Variants in AKAP8 observed in about 807,000 individuals in gnomAD.
The protein encoded by AKAP8 is A-kinase anchoring protein 8.
In AKAP8, 24 loss-of-function variants were observed where a neutral mutation model predicts 67.5. That is an observed-to-expected ratio of 0.36 (90% confidence interval 0.26 to 0.50). The LOEUF (loss-of-function observed/expected upper bound fraction) is 0.50, where lower values mean the gene tolerates loss of function less well. AKAP8 is among the 20% of genes least tolerant of loss of function. The probability of loss-of-function intolerance (pLI) is 0.97; values close to 1 mark genes in which losing one functional copy is unlikely to be tolerated. For synonymous variants in AKAP8, 400 were observed against 371.1 expected (o/e 1.08, Z -0.90); for missense variants, 971 against 955.9 (o/e 1.02, Z -0.21).
intron 4 of AKAP8, 33 bp downstream of exon 4, chr19:15,373,753 G>A: frequency 6.3e-7 from 1 of 1,580,444 alleles, no homozygotes; most frequent in South Asian, 1.1e-5. Context: ...GGGATGTGTG[G>A]GGTCCCGGGG....
chr19:15,369,145 T>G lies in AKAP8; in HGVS notation c.1073-823A>C. ...CTCAGAAGCCTCTCAAAAGGGCGTG[T>G]GGGATTTTTGGCAAGAGGTCACTGC... On this transcript the variant is annotated intron_variant, in intron 8 of 13. Coordinates refer to ENST00000269701, the MANE Select transcript of AKAP8 (RefSeq NM_005858.4). This position sits in a 1 kb window ranked among gnomAD's most constrained non-coding sequence, Gnocchi z 4.6. The G allele has an allele frequency of 1.0e-6, 1 of 985,374 alleles. No homozygotes were observed. The highest frequency in any genetic ancestry group is 1.7e-5 in the African/African-American group (1 of 57,320). 61.0% of individuals were successfully genotyped at this position (985,374 alleles called of 1,614,324 possible).
rs761590913 is a variant in AKAP8, at chr19:15,360,893, G to A, written c.1482C>T (p.Leu494=). The change falls in exon 12 of 14, where the codon CTC becomes CTT. Residue 494 remains leucine (L), a synonymous_variant. Transcript: ENST00000269701. ...CCACGGAGTGCAGGTGCCGCTGGAGGAGCTGCGGCTGTGCAGGAATTAGCA... is the reference window on the plus strand; with the variant it reads ...CCACGGAGTGCAGGTGCCGCTGGAGAAGCTGCGGCTGTGCAGGAATTAGCA... ...CDMLIPAQPQ[L]LQRHLHSVDH... The A allele has an allele frequency of 1.2e-6, 2 of 1,613,750 alleles. No individual in the cohort carries two copies. The highest frequency in any genetic ancestry group is 1.3e-5 in the African/African-American group (1 of 75,048).
At position 15,374,055 on chromosome 19, in the gene AKAP8, G is replaced by GT. The variant is rs781706741; in HGVS notation, c.101dup (p.Asn34LysfsTer32). The GT allele has an allele frequency of 1.3e-6, 2 of 1,562,548 alleles. No individual in the cohort carries two copies. Among genetic ancestry groups the GT allele is most frequent in the Non-Finnish European group, 1.7e-6 (2 of 1,157,854 alleles). On this transcript the variant is annotated frameshift_variant, in exon 4 of 14. Transcript: ENST00000269701. LOFTEE classifies it high-confidence loss of function. ...TGTTCTGGGCGCCATAGTAATTGTAGTTTTCATAACCTGTCACAGGGGGAG... is the reference window on the plus strand; with the variant it reads ...TGTTCTGGGCGCCATAGTAATTGTAGTTTTTCATAACCTGTCACAGGGGGAG...
At position 15,377,907 on chromosome 19, in the gene AKAP8, G is replaced by T. The variant is rs974195969; in HGVS notation, c.20-893C>A. ...TATGGCATCTGTCTGGTCCCTCCAG[G>T]AAGGAGAATGGGAACTGTGTTCTCT... On this transcript the variant is annotated intron_variant, in intron 1 of 13. Transcript: ENST00000269701. Among the ~76,000 whole-genome samples, 4 of 152,176 alleles carry T rather than the reference G, an allele frequency of 2.6e-5. No individual in the cohort carries two copies. In the East Asian group the frequency reaches 5.8e-4, roughly 22 times the overall value.
At position 15,370,177 on chromosome 19, in the gene AKAP8, C is replaced by T. The variant is rs776411886; in HGVS notation, c.1041G>A (p.Glu347=). ...FRSGDEEFKG[E]DELCDSGRQR... ...GCCTCCCAGAGTCGCAGAGTTCATCCTCCTGGAAAAGAGTATACACAAAGT... is the reference window on the plus strand; with the variant it reads ...GCCTCCCAGAGTCGCAGAGTTCATCTTCCTGGAAAAGAGTATACACAAAGT... Residue 347 remains glutamate, a splice_region_variant and synonymous_variant, in exon 8 of 14, where the codon GAG becomes GAA. Transcript: ENST00000269701. 1 of 1,613,990 alleles carries T rather than the reference C, an allele frequency of 6.2e-7. No individual in the cohort carries two copies. Among genetic ancestry groups the T allele is most frequent in the African/African-American group, 1.3e-5 (1 of 74,918 alleles).
intron 9 of AKAP8, among the ~76,000 whole-genome samples, chr19:15,365,067 C>T (rs1967047436): frequency 6.6e-6 from 1 of 152,202 alleles, no homozygotes; most frequent in Non-Finnish European, 1.5e-5. Context: ...GGCACTGCAG[C>T]CCCTCTGGCC....
intron 12 of AKAP8, among the ~76,000 whole-genome samples, chr19:15,359,706 C>G (rs771271080): frequency 6.6e-6 from 1 of 151,110 alleles, no homozygotes; most frequent in Admixed American, 6.6e-5. Context: ...GACTCTGTCT[C>G]AAAAAATAAA....
At chr19:15,359,101 A>C in intron 12 of AKAP8, 39 bp from the exon 13 acceptor site, 1 of 1,570,988 alleles carries the variant, frequency 6.4e-7, no homozygotes, top group Non-Finnish European at 8.8e-7. Context: ...AAAAATGGCA[A>C]AGATTAAGGA....
intron 1 of AKAP8, among the ~76,000 whole-genome samples, chr19:15,377,683 T>C (rs964430550): frequency 3.3e-5 from 5 of 152,276 alleles, no homozygotes; most frequent in East Asian, 1.9e-4. Context: ...TTAGCCAGGA[T>C]GGTCTCGATC....
chr19:15,372,438 C>T (rs1220206506), intron 5 of AKAP8, 91 bp from the exon 6 acceptor site: 3 of 1,523,990 alleles, frequency 2.0e-6, no homozygotes, highest in Non-Finnish European at 2.7e-6. Flanking sequence ...GATCAGACAA[C>T]ACAGGCACAA....
At position 15,369,318 on chromosome 19, in the gene AKAP8, G is replaced by A. The variant is rs1459180007; in HGVS notation, c.1072+828C>T. ...ATGGACAGGACTGCTGCGGGTCGCGGGGGGGAGGACCGCAGAGGGCTGGCA... is the reference window on the plus strand; with the variant it reads ...ATGGACAGGACTGCTGCGGGTCGCGAGGGGGAGGACCGCAGAGGGCTGGCA... On this transcript the variant is annotated intron_variant, in intron 8 of 13. Coordinates refer to ENST00000269701, the MANE Select transcript of AKAP8 (RefSeq NM_005858.4). This position sits in a 1 kb window ranked among gnomAD's most constrained non-coding sequence, Gnocchi z 4.6. 4.2e-6 allele frequency: 4 copies of A among 962,738 alleles called. No individual in the cohort carries two copies. The highest frequency in any genetic ancestry group is 1.8e-5 in the African/African-American group (1 of 56,862). 59.6% of individuals were successfully genotyped at this position (962,738 alleles called of 1,614,324 possible). A position where few individuals can be genotyped will look rare whatever the true frequency, so the allele number is the denominator to read the frequency against.
At chr19:15,358,232 A>ATGC in intron 13 of AKAP8, among the ~76,000 whole-genome samples, 1 of 152,222 alleles carries the variant, frequency 6.6e-6, no homozygotes, top group South Asian at 2.1e-4. Flanking sequence ...GGACTTCGAT[A>ATGC]TGCTGCTCCC....
At chr19:15,359,179 A>G in intron 12 of AKAP8, 117 bp from the exon 13 acceptor site, 1 of 873,040 alleles carries the variant, frequency 1.1e-6, no homozygotes. Flanking sequence ...AGCGAATCTC[A>G]AAACGCCAGC....
At chr19:15,355,561 A>ATT (rs34848051) in intron 13 of AKAP8, among the ~76,000 whole-genome samples, 191 bp from the exon 14 acceptor site, 1 of 147,278 alleles carries the variant, frequency 6.8e-6, no homozygotes, top group Middle Eastern at 3.2e-3. Context: ...ATATTCTGCA[A>ATT]TTTTTTTTTT....
At chr19:15,376,927 T>A (rs1432597238) in intron 2 of AKAP8, 49 bp downstream of exon 2, 6 of 1,592,574 alleles carry the variant, frequency 3.8e-6, no homozygotes. Context: ...TGCTAGGGCC[T>A]TGAGTTAGGG....
chr19:15,363,786 G>C (rs1007740999), intron 9 of AKAP8, among the ~76,000 whole-genome samples: 1 of 152,128 alleles, frequency 6.6e-6, no homozygotes, highest in Non-Finnish European at 1.5e-5. Flanking sequence ...GGTAGACGTG[G>C]GAGACTTTTC....
At position 15,362,460 on chromosome 19, in the gene AKAP8, T is replaced by C. The variant is rs576144575; in HGVS notation, c.1161-209A>G. ...CTCGGCTCACTGCAACCTCCCTGCC[T>C]GATTCTCCTGCCTCAGCCTGCCTAC... On this transcript the variant is annotated intron_variant, in intron 9 of 13. Coordinates refer to ENST00000269701, the MANE Select transcript of AKAP8 (RefSeq NM_005858.4). 1.1e-4 allele frequency among the ~76,000 whole-genome samples: 17 copies of C among 150,020 alleles called. No homozygotes were observed. The South Asian group carries it at 3.2e-3, about 28-fold the overall frequency.
chr19:15,377,073 T>TG, intron 1 of AKAP8, 59 bp from the exon 2 acceptor site: 2 of 1,569,398 alleles, frequency 1.3e-6, no homozygotes, highest in Non-Finnish European at 8.7e-7. Context: ...CGGGTCCTTT[T>TG]GGGGGTACTC....
chr19:15,362,897 C>T, intron 9 of AKAP8, among the ~76,000 whole-genome samples: 1 of 150,502 alleles, frequency 6.6e-6, no homozygotes, highest in South Asian at 2.1e-4. Context: ...GGCCGCCATC[C>T]CATCTAGGAA....
Sources: allele counts gnomAD v4.1 joint callset (sites outside exome capture counted in the v4.1 genomes callset), GRCh38; gene constraint gnomAD v4.1.1; non-coding constraint Gnocchi (gnomAD v3.1); transcripts MANE v1.5; gene names NCBI Gene and HGNC (gene_info 2026-07-23, HGNC 2026-07-21).